BANP: variants seen among roughly 807,000 people sequenced by gnomAD.
BANP encodes the protein BTG3 associated nuclear protein.
A neutral mutation model predicts 68.1 loss-of-function variants in BANP; 11 were observed. That is an observed-to-expected ratio of 0.16 (90% CI 0.10 to 0.27). The LOEUF is 0.27. Among genes scored for constraint, BANP ranks in the 10% least tolerant of loss-of-function variants. The pLI is 1.00. For synonymous variants in BANP, 329 were observed against 303.2 expected, an observed-to-expected ratio of 1.09 and a Z score of -0.88; for missense variants, 504 against 722.7, an observed-to-expected ratio of 0.70 and a Z score of 3.47.
chr16:88,034,345 A>G (rs1408517855), intron 9 of BANP, among the ~76,000 whole-genome samples: 2 of 152,254 alleles, frequency 1.3e-5, no homozygotes, highest in Non-Finnish European at 2.9e-5. Context: ...AGAACATTCT[A>G]CAGGAGTTTA....
chr16:87,975,285 G>C, intron 2 of BANP, 100 bp downstream of exon 2: 2 of 1,177,322 alleles, frequency 1.7e-6, no homozygotes, highest in Non-Finnish European at 2.5e-6. Context: ...AGAAGAAAAA[G>C]TAATGCATGC....
At chr16:87,983,269 G>A (rs12711486) in intron 3 of BANP, among the ~76,000 whole-genome samples, 95,394 of 151,706 alleles carry the variant, frequency 0.63, 30,363 homozygotes, top group Admixed American at 0.67. Flanking sequence ...ACCTGAAGGA[G>A]TGTCCTTCTG....
At chr16:87,964,909 C>A (rs2059770977) in intron 1 of BANP, among the ~76,000 whole-genome samples, 1 of 152,118 alleles carries the variant, frequency 6.6e-6, no homozygotes, top group Admixed American at 6.5e-5. Flanking sequence ...GTGACAGGGG[C>A]TCAGTTTGGA....
chr16:88,033,471 G>C (rs2078643533), intron 9 of BANP, among the ~76,000 whole-genome samples: 1 of 152,186 alleles, frequency 6.6e-6, no homozygotes, highest in Non-Finnish European at 1.5e-5. Flanking sequence ...GCACATGGTG[G>C]GGTGGGGCAT....
chr16:88,024,433 A>G (rs1301726655), intron 7 of BANP, among the ~76,000 whole-genome samples: 1 of 152,274 alleles, frequency 6.6e-6, no homozygotes, highest in Non-Finnish European at 1.5e-5. Flanking sequence ...TCAAATGCTT[A>G]AAGTGGAAAA....
At chr16:87,991,090 G>A (rs1000824880) in intron 4 of BANP, among the ~76,000 whole-genome samples, 1 of 152,148 alleles carries the variant, frequency 6.6e-6, no homozygotes, top group African/African-American at 2.4e-5. Flanking sequence ...ACCTAATAGT[G>A]ACACCCTCTA....
intron 4 of BANP, among the ~76,000 whole-genome samples, chr16:87,996,162 C>T (rs760834083): frequency 7.9e-5 from 12 of 152,168 alleles, no homozygotes; most frequent in African/African-American, 2.4e-4. Flanking sequence ...CCACCGACGG[C>T]GGTGTCTGGA....
intron 4 of BANP, among the ~76,000 whole-genome samples, chr16:87,990,940 T>G (rs1855464580): frequency 6.6e-6 from 1 of 152,178 alleles, no homozygotes; most frequent in Non-Finnish European, 1.5e-5. Flanking sequence ...TTTTTTGTAT[T>G]TTTAGTAGAG....
chr16:88,037,209 G>T (rs1036407905), intron 10 of BANP: 2 of 152,186 alleles, frequency 1.3e-5, no homozygotes. Context: ...AAAAAATCTT[G>T]ACTACTCGAA....
chr16:88,075,440 C>T (rs1357207044), intron 13 of BANP, among the ~76,000 whole-genome samples: 1 of 152,118 alleles, frequency 6.6e-6, no homozygotes, highest in South Asian at 2.1e-4. Flanking sequence ...GAGGTCGAGG[C>T]GGCCGTGAGG....
At chr16:87,986,821 C>G (rs2064558135) in intron 4 of BANP, among the ~76,000 whole-genome samples, 2 of 152,124 alleles carry the variant, frequency 1.3e-5, no homozygotes, top group South Asian at 4.1e-4. Flanking sequence ...CTCAGATGCA[C>G]AATCCAGTTA....
Position 88,036,449 on chromosome 16 carries a change from G to A in BANP, c.1272+1055G>A, listed in dbSNP as rs1012606098. On this transcript the variant is annotated intron_variant, in intron 10 of 13. Transcript: ENST00000682872. The surrounding 1 kb of genome is among the most constrained non-coding windows in gnomAD (Gnocchi z 4.2). ...CTGCCATCGGGGACTCACAGCGGGC[G>A]CAGAGCCTCCTGCCCAAGTGCCCGT... Among the ~76,000 whole-genome samples, 6 of 152,258 alleles carry A rather than the reference G, an allele frequency of 3.9e-5. No homozygotes were observed. The highest frequency in any genetic ancestry group is 7.4e-5 in the Non-Finnish European group (5 of 68,018).
chr16:88,035,505 C>T lies in BANP; in HGVS notation c.1272+111C>T, dbSNP rs562728852. 66 of 1,050,986 alleles carry T rather than the reference C, an allele frequency of 6.3e-5. No individual in the cohort carries two copies. The African/African-American group carries it at 7.8e-4, about 12-fold the overall frequency. The allele number at this position is 1,050,986 out of a possible 1,614,324, so 65.1% of individuals were successfully genotyped here. On this transcript the variant is annotated intron_variant, in intron 10 of 13. Transcript: ENST00000682872. The stretch of plus-strand genomic sequence containing the variant: ...AGCAGGGAGCCCCCAGGACAGGGAA[C>T]GTGGGCAAGGGCTGCAGGACTCCGC...
Position 88,076,616 on chromosome 16 carries a change from A to G in BANP, c.1548A>G (p.Leu516=), listed in dbSNP as rs960103743. The part of the protein sequence containing the change: ...AQTAEALQPT[L]QPEMQLEHGA... Reference sequence around the variant, plus strand: ...CGGCCGAAGCCCTGCAGCCCACGCTACAGCCGGAGATGCAGCTCGAGCACG... The same window carrying G: ...CGGCCGAAGCCCTGCAGCCCACGCTGCAGCCGGAGATGCAGCTCGAGCACG... The change falls in exon 14 of 14, where the codon CTA becomes CTG. Residue 516 remains leucine (L), a synonymous_variant. Coordinates refer to ENST00000682872, the MANE Select transcript of BANP (RefSeq NM_001386991.1). 2.5e-6 allele frequency: 4 copies of G among 1,612,112 alleles called. No individual in the cohort carries two copies. Among genetic ancestry groups the G allele is most frequent in the Admixed American group, 1.7e-5 (1 of 59,998 alleles).
rs1406860641 is a variant in BANP, at chr16:88,065,134, T to C, written c.1312-133T>C. The C allele has an allele frequency of 5.6e-5, 30 of 533,116 alleles. No individual in the cohort carries two copies. In the Admixed American group the frequency reaches 9.7e-4, roughly 17 times the overall value. 33.0% of individuals were successfully genotyped at this position (533,116 alleles called of 1,614,324 possible). A position where few individuals can be genotyped will look rare whatever the true frequency, so the allele number is the denominator to read the frequency against. ...TGGCTGGAGGCTCCTGTGGCTGCCATAACAAACGACCACAGACCCCGTGGC... is the reference window on the plus strand; with the variant it reads ...TGGCTGGAGGCTCCTGTGGCTGCCACAACAAACGACCACAGACCCCGTGGC... On this transcript the variant is annotated intron_variant, in intron 11 of 13. Transcript: ENST00000682872.
intron 11 of BANP, among the ~76,000 whole-genome samples, chr16:88,047,061 G>C (rs1046633354): frequency 7.0e-6 from 1 of 141,852 alleles, no homozygotes; most frequent in Non-Finnish European, 1.5e-5. Flanking sequence ...GCGAGACTCC[G>C]TCTCAAAAAA....
chr16:88,033,545 TG>T (rs1218974325), intron 9 of BANP, among the ~76,000 whole-genome samples: 1 of 152,204 alleles, frequency 6.6e-6, no homozygotes, highest in Non-Finnish European at 1.5e-5. Flanking sequence ...GGTCAGGCCG[TG>T]CGGTGGTCCC....
At chr16:88,053,028 C>T (rs2083665174) in intron 11 of BANP, among the ~76,000 whole-genome samples, 1 of 151,004 alleles carries the variant, frequency 6.6e-6, no homozygotes, top group Non-Finnish European at 1.5e-5. Context: ...CAACAGTCAC[C>T]CTAACAAACA....
chr16:87,987,539 C>T lies in BANP; in HGVS notation c.362+3280C>T, dbSNP rs144176930. Reference sequence around the variant, plus strand: ...AAGAGTTCCAGACCAGCGTGGGCAACGTAGTGAGACCCCCATCTGCACAAA... The same window carrying T: ...AAGAGTTCCAGACCAGCGTGGGCAATGTAGTGAGACCCCCATCTGCACAAA... On this transcript the variant is annotated intron_variant, in intron 4 of 13. Transcript: ENST00000682872. Among the ~76,000 whole-genome samples, 1,246 of 151,122 alleles carry T rather than the reference C, an allele frequency of 8.2e-3. 15 individuals carry two copies. Among genetic ancestry groups the T allele is most frequent in the African/African-American group, 0.028 (1,145 of 41,182 alleles).
Sources: gnomAD v4.1 joint callset for allele counts (sites outside exome capture counted in the v4.1 genomes callset) on GRCh38, gnomAD v4.1.1 for gene constraint, Gnocchi (gnomAD v3.1) non-coding constraint, MANE v1.5 for transcripts, NCBI Gene and HGNC (gene_info 2026-07-23, HGNC 2026-07-21) for gene names.